PHLDB2: variants seen among roughly 807,000 people sequenced by gnomAD.
PHLDB2 encodes pleckstrin homology-like domain family B member 2.
PHLDB2 carries 71 observed loss-of-function variants against 123.6 expected under a neutral mutation model. That is an observed-to-expected ratio of 0.57 (90% CI 0.47 to 0.70). PHLDB2 has a LOEUF of 0.70. PHLDB2 is among the 30% of genes least tolerant of loss of function. The pLI is 0.00. For missense variants in PHLDB2, 1,446 were observed against 1,519.5 expected (o/e 0.95, Z 0.80); for synonymous variants, 547 against 541.6 (o/e 1.01, Z -0.14).
exon 1 of PHLDB2, chr3:111,732,574 A>T (rs1260082000): frequency 6.8e-7 from 1 of 1,480,424 alleles, no homozygotes; most frequent in South Asian, 1.2e-5. Flanking sequence ...GGGGAAAAGG[A>T]GAAACCTGTG....
chr3:111,920,667 C>G (rs974106844), intron 5 of PHLDB2, among the ~76,000 whole-genome samples: 1 of 152,128 alleles, frequency 6.6e-6, no homozygotes, highest in African/African-American at 2.4e-5. Flanking sequence ...GCAGCTTTAT[C>G]CTACTTGAGA....
chr3:111,785,058 T>G (rs1216607664), intron 1 of PHLDB2, among the ~76,000 whole-genome samples: 1 of 152,196 alleles, frequency 6.6e-6, no homozygotes, highest in Non-Finnish European at 1.5e-5. Context: ...TAAAAATGTA[T>G]AGTTCCATCA....
intron 1 of PHLDB2, among the ~76,000 whole-genome samples, chr3:111,810,190 A>G (rs756867806): frequency 3.3e-5 from 5 of 152,274 alleles, no homozygotes; most frequent in Non-Finnish European, 4.4e-5. Context: ...GAGGCCATAC[A>G]CACTAACCAC....
At position 111,960,082 on chromosome 3, in the gene PHLDB2, T is replaced by C. The variant is rs986389904; in HGVS notation, c.2873-2026T>C. Reference sequence around the variant, plus strand: ...TAAGAAAATATACGTGTGTGAGCTTTTCAAATAATTTCTGTTGTTTTTTTG... The same window carrying C: ...TAAGAAAATATACGTGTGTGAGCTTCTCAAATAATTTCTGTTGTTTTTTTG... On this transcript the variant is annotated intron_variant, in intron 12 of 17. Coordinates refer to ENST00000431670, the MANE Select transcript of PHLDB2 (RefSeq NM_001134438.2). The C allele has an allele frequency of 4.7e-6, 3 of 632,954 alleles. No homozygotes were observed. In the African/African-American group the frequency reaches 6.0e-5, roughly 13 times the overall value. 39.2% of individuals were successfully genotyped at this position (632,954 alleles called of 1,614,324 possible). A position where few individuals can be genotyped will look rare whatever the true frequency, so the allele number is the denominator to read the frequency against.
chr3:111,782,885 CTTCTTTT>C (rs1470740588), intron 1 of PHLDB2, among the ~76,000 whole-genome samples: 1 of 152,030 alleles, frequency 6.6e-6, no homozygotes, highest in Non-Finnish European at 1.5e-5. Context: ...GACATAGTGT[CTTCTTTT>C]TTAGGATTCT....
intron 1 of PHLDB2, among the ~76,000 whole-genome samples, chr3:111,803,847 G>A (rs896994232): frequency 7.2e-5 from 11 of 152,152 alleles, no homozygotes; most frequent in African/African-American, 2.4e-4. Flanking sequence ...TTAACAAAGC[G>A]TAGATTTGTT....
At chr3:111,970,644 G>T (rs1373046036) in intron 16 of PHLDB2, among the ~76,000 whole-genome samples, 2 of 152,080 alleles carry the variant, frequency 1.3e-5, no homozygotes, top group Non-Finnish European at 2.9e-5. Flanking sequence ...AGTGTAACTG[G>T]CATACTTATT....
intron 2 of PHLDB2, among the ~76,000 whole-genome samples, chr3:111,850,777 A>G (rs552870158): frequency 6.6e-6 from 1 of 152,286 alleles, no homozygotes; most frequent in South Asian, 2.1e-4. Flanking sequence ...TCAATACATA[A>G]ATAAATAAAA....
chr3:111,877,599 T>C (rs1244241356), intron 1 of PHLDB2, among the ~76,000 whole-genome samples: 1 of 152,226 alleles, frequency 6.6e-6, no homozygotes, highest in Non-Finnish European at 1.5e-5. Context: ...TTTTGACTTT[T>C]GTTGCCATTG....
intron 8 of PHLDB2, among the ~76,000 whole-genome samples, chr3:111,942,460 C>T (rs1451296876): frequency 6.6e-6 from 1 of 152,136 alleles, no homozygotes; most frequent in African/African-American, 2.4e-5. Context: ...CACAGAAATA[C>T]CTGGAGTGGT....
chr3:111,868,913 A>C (rs910337061), intron 1 of PHLDB2, among the ~76,000 whole-genome samples: 1 of 152,226 alleles, frequency 6.6e-6, no homozygotes, highest in African/African-American at 2.4e-5. Flanking sequence ...AGAATATTTT[A>C]AAGTTCCTAC....
intron 1 of PHLDB2, among the ~76,000 whole-genome samples, chr3:111,762,151 A>G (rs1291517974): frequency 6.6e-6 from 1 of 152,190 alleles, no homozygotes; most frequent in African/African-American, 2.4e-5. Flanking sequence ...TTTGAGATCC[A>G]AGTCTACTAC....
intron 1 of PHLDB2, among the ~76,000 whole-genome samples, chr3:111,813,562 G>A (rs184645445): frequency 8.7e-4 from 132 of 152,188 alleles, no homozygotes; most frequent in Non-Finnish European, 7.6e-4. Flanking sequence ...CTAAAACAGC[G>A]TGTTACACAA....
chr3:111,936,901 CA>C (rs1272252784), intron 6 of PHLDB2, among the ~76,000 whole-genome samples: 1 of 152,120 alleles, frequency 6.6e-6, no homozygotes, highest in Non-Finnish European at 1.5e-5. Flanking sequence ...TGTATTATTT[CA>C]AAACAGAAGA....
chr3:111,883,929 T>C, intron 1 of PHLDB2, 135 bp from the exon 2 acceptor site: 1 of 779,192 alleles, frequency 1.3e-6, no homozygotes, highest in Non-Finnish European at 2.0e-6. Context: ...ACAGGTTTTT[T>C]AGTAAAACTG....
chr3:111,909,896 A>T (rs771282494), intron 2 of PHLDB2, among the ~76,000 whole-genome samples: 3 of 152,206 alleles, frequency 2.0e-5, no homozygotes, highest in Non-Finnish European at 4.4e-5. Flanking sequence ...AGCAAAGATT[A>T]CACCTGTGCT....
chr3:111,944,720 TC>T (rs2070176020), intron 8 of PHLDB2, among the ~76,000 whole-genome samples: 1 of 152,112 alleles, frequency 6.6e-6, no homozygotes, highest in South Asian at 2.1e-4. Flanking sequence ...TTGCTCTGTC[TC>T]CCAGGCTGCA....
chr3:111,971,422 T>C (rs756898268), intron 16 of PHLDB2, among the ~76,000 whole-genome samples: 4 of 150,702 alleles, frequency 2.7e-5, no homozygotes, highest in Non-Finnish European at 4.4e-5. Flanking sequence ...AAACCAAAAC[T>C]TCTGGTGACT....
At chr3:111,819,053 A>G (rs868177559) in intron 1 of PHLDB2, among the ~76,000 whole-genome samples, 2 of 152,142 alleles carry the variant, frequency 1.3e-5, no homozygotes, top group South Asian at 2.1e-4. Flanking sequence ...TCTGGTAAGG[A>G]CACTCTTCCT....
Sources: gnomAD v4.1 joint callset for allele counts (sites outside exome capture counted in the v4.1 genomes callset) on GRCh38, gnomAD v4.1.1 for gene constraint, MANE v1.5 for transcripts, NCBI Gene and HGNC (gene_info 2026-07-23, HGNC 2026-07-21) for gene names.